The following SLC39A11 variants were observed in gnomAD, a reference collection of about 807,000 sequenced individuals.
SLC39A11 encodes zinc transporter ZIP11.
Under a neutral mutation model 36.1 loss-of-function variants are expected in SLC39A11, and 33 were observed. The observed-to-expected ratio is 0.91, with a 90% CI of 0.69 to 1.22. SLC39A11 has a LOEUF of 1.22. Among genes scored for constraint, SLC39A11 ranks in the 50% most tolerant of loss-of-function variants. SLC39A11 has a pLI of 0.00. For missense variants in SLC39A11, 432 were observed against 430.3 expected (o/e 1.00, Z -0.03); for synonymous variants, 166 against 170.3 (o/e 0.97, Z 0.20).
At chr17:72,748,092 C>A (rs1031813137) in intron 6 of SLC39A11, among the ~76,000 whole-genome samples, 8 of 152,114 alleles carry the variant, frequency 5.3e-5, no homozygotes, top group Non-Finnish European at 8.8e-5. Flanking sequence ...GAGGCCGAGG[C>A]GGGTGGATCA....
At chr17:72,997,235 G>A (rs1257467761) in intron 4 of SLC39A11, among the ~76,000 whole-genome samples, 1 of 152,154 alleles carries the variant, frequency 6.6e-6, no homozygotes, top group Non-Finnish European at 1.5e-5. Flanking sequence ...CCTGCTGCAA[G>A]GTCTCTTTAA....
At chr17:72,665,669 G>C (rs1039768619) in intron 7 of SLC39A11, among the ~76,000 whole-genome samples, 6 of 151,918 alleles carry the variant, frequency 3.9e-5, no homozygotes, top group Non-Finnish European at 7.4e-5. Context: ...TTAAAGGTGT[G>C]AGCCACCACA....
chr17:72,982,041 G>C (rs2148184409), intron 4 of SLC39A11, among the ~76,000 whole-genome samples: 1 of 151,916 alleles, frequency 6.6e-6, no homozygotes, highest in Admixed American at 6.6e-5. Context: ...CCAGGAGTTT[G>C]AGACCAGCCT....
Position 72,971,336 on chromosome 17 carries a change from ACTCTCTCTCT to A in SLC39A11, c.307-23471_307-23462del, listed in dbSNP as rs369016332. Among the ~76,000 whole-genome samples, 23 of 143,498 alleles carry A rather than the reference ACTCTCTCTCT, an allele frequency of 1.6e-4. No individual in the cohort carries two copies. In the East Asian group the frequency reaches 4.5e-3, roughly 28 times the overall value. The allele number at this position is 143,498 out of a possible 152,430, so 94.1% of individuals were successfully genotyped here. The stretch of plus-strand genomic sequence containing the variant: ...CACACATACACACACACACACACAC[ACTCTCTCTCT>A]CTCTCTCTCTCTGAAAAACCAGTTT... On this transcript the variant is annotated intron_variant, in intron 4 of 9. Coordinates refer to ENST00000255559, the MANE Select transcript of SLC39A11 (RefSeq NM_139177.4).
chr17:72,810,788 C>T (rs774577190), intron 6 of SLC39A11, among the ~76,000 whole-genome samples: 4 of 152,036 alleles, frequency 2.6e-5, no homozygotes, highest in African/African-American at 4.8e-5. Flanking sequence ...CAGTTTCAAG[C>T]GATTCTCCTG....
At chr17:73,033,696 G>A (rs775421788) in intron 3 of SLC39A11, among the ~76,000 whole-genome samples, 2 of 152,106 alleles carry the variant, frequency 1.3e-5, no homozygotes, top group African/African-American at 4.8e-5. Flanking sequence ...GTAACTATAC[G>A]GCAGTCATCG....
chr17:72,999,578 C>T, intron 4 of SLC39A11, among the ~76,000 whole-genome samples: 1 of 152,192 alleles, frequency 6.6e-6, no homozygotes, highest in East Asian at 1.9e-4. Context: ...GTTTTGAGTG[C>T]TCTCCAAGGA....
At chr17:72,867,786 A>G (rs530869654) in intron 5 of SLC39A11, among the ~76,000 whole-genome samples, 6 of 151,814 alleles carry the variant, frequency 4.0e-5, no homozygotes, top group African/African-American at 1.2e-4. Flanking sequence ...ACACACACAC[A>G]CACGCACACA....
chr17:72,867,403 G>C (rs184243419), intron 5 of SLC39A11, among the ~76,000 whole-genome samples: 1 of 152,268 alleles, frequency 6.6e-6, no homozygotes, highest in East Asian at 1.9e-4. Context: ...GGGAGGCTGA[G>C]GCAGGAGAAT....
intron 5 of SLC39A11, among the ~76,000 whole-genome samples, chr17:72,874,031 C>A (rs2080776609): frequency 6.6e-6 from 1 of 152,184 alleles, no homozygotes; most frequent in Admixed American, 6.5e-5. Flanking sequence ...CCTCCCCAGG[C>A]ACGCTGAACT....
At chr17:72,962,992 C>A (rs113262505) in intron 4 of SLC39A11, among the ~76,000 whole-genome samples, 2 of 151,884 alleles carry the variant, frequency 1.3e-5, no homozygotes, top group Admixed American at 1.3e-4. Flanking sequence ...GGAAGGCCCA[C>A]TCTCTCTTTT....
intron 7 of SLC39A11, among the ~76,000 whole-genome samples, chr17:72,701,727 C>CAAAAAAAAAA (rs57220008): frequency 1.8e-4 from 16 of 88,792 alleles, no homozygotes; most frequent in South Asian, 4.5e-4. Flanking sequence ...GATTCTGTCT[C>CAAAAAAAAAA]AAAAAAAAAA....
intron 4 of SLC39A11, among the ~76,000 whole-genome samples, chr17:73,021,315 C>T (rs754954382): frequency 1.3e-5 from 2 of 152,010 alleles, no homozygotes; most frequent in Non-Finnish European, 2.9e-5. Context: ...AGATTAGATG[C>T]ATACTCAGTT....
intron 6 of SLC39A11, among the ~76,000 whole-genome samples, chr17:72,833,607 G>A (rs745556969): frequency 3.9e-5 from 6 of 152,178 alleles, no homozygotes; most frequent in Non-Finnish European, 5.9e-5. Flanking sequence ...TTTCAAACCT[G>A]AGTTAAGTCA....
At chr17:73,086,928 T>A (rs2060750594) in intron 2 of SLC39A11, among the ~76,000 whole-genome samples, 1 of 151,938 alleles carries the variant, frequency 6.6e-6, no homozygotes, top group South Asian at 2.1e-4. Context: ...TGGTGGTGTA[T>A]GCATGTAATC....
At chr17:73,030,234 T>C (rs1025593686) in intron 4 of SLC39A11, among the ~76,000 whole-genome samples, 1 of 152,240 alleles carries the variant, frequency 6.6e-6, no homozygotes, top group South Asian at 2.1e-4. Context: ...TAACAAGCCA[T>C]TGACCAGTAG....
chr17:72,846,000 ATCTC>A lies in SLC39A11; in HGVS notation c.601+3630_601+3633del, dbSNP rs796515825. 3.5e-3 allele frequency among the ~76,000 whole-genome samples: 466 copies of A among 132,430 alleles called. 15 individuals are homozygous for A. The highest frequency in any genetic ancestry group is 0.013 in the African/African-American group (417 of 32,742). 86.9% of individuals were successfully genotyped at this position (132,430 alleles called of 152,430 possible). The stretch of plus-strand genomic sequence containing the variant: ...GAGAATCCATCTTTCAAACCAATGA[ATCTC>A]TCTCTCTCTCTCTCTTTTTTTTTTT... On this transcript the variant is annotated intron_variant, in intron 6 of 9. Transcript: ENST00000255559.
At chr17:72,699,234 C>T (rs941470981) in intron 7 of SLC39A11, among the ~76,000 whole-genome samples, 1 of 152,104 alleles carries the variant, frequency 6.6e-6, no homozygotes, top group Non-Finnish European at 1.5e-5. Context: ...TCTTGGGCCA[C>T]ACATAAAATA....
At chr17:72,967,259 A>T (rs893603914) in intron 4 of SLC39A11, among the ~76,000 whole-genome samples, 2 of 152,160 alleles carry the variant, frequency 1.3e-5, no homozygotes, top group Non-Finnish European at 2.9e-5. Flanking sequence ...CTTCCATGAA[A>T]CTGGTCCCTG....
Sources: gnomAD v4.1 joint callset for allele counts (sites outside exome capture counted in the v4.1 genomes callset) on GRCh38, gnomAD v4.1.1 for gene constraint, MANE v1.5 for transcripts, NCBI Gene and HGNC (gene_info 2026-07-23, HGNC 2026-07-21) for gene names.